PIP4P2: variants seen among roughly 807,000 people sequenced by gnomAD.
The protein encoded by PIP4P2 is type 2 phosphatidylinositol 4,5-bisphosphate 4-phosphatase.
Under a neutral mutation model 33.3 loss-of-function variants are expected in PIP4P2, and 19 were observed. The ratio of observed to expected loss-of-function variants is 0.57; its 90% confidence interval spans 0.40 to 0.84. The LOEUF is 0.84. Ranked by LOEUF, PIP4P2 falls within the 40% of genes least tolerant of loss-of-function variation. The pLI, the probability that PIP4P2 is intolerant of heterozygous loss-of-function variation, is 0.00. For synonymous variants in PIP4P2, 110 were observed against 111.9 expected (o/e 0.98, Z 0.11); for missense variants, 270 against 324.7 (o/e 0.83, Z 1.29).
At chr8:91,033,776 G>GTTTA (rs1198739649) in intron 1 of PIP4P2, among the ~76,000 whole-genome samples, 3 of 151,818 alleles carry the variant, frequency 2.0e-5, no homozygotes, top group South Asian at 2.1e-4. Flanking sequence ...CCTTGTTTTT[G>GTTTA]TTTATTTATT....
At chr8:91,019,273 C>CT (rs1051693601) in intron 3 of PIP4P2, among the ~76,000 whole-genome samples, 35 of 142,472 alleles carry the variant, frequency 2.5e-4, no homozygotes, top group Non-Finnish European at 2.8e-4. Context: ...TAAGTGATTA[C>CT]TTTTTTTTTT....
chr8:90,999,924 A>G (rs1811679938), intron 5 of PIP4P2, among the ~76,000 whole-genome samples: 1 of 151,874 alleles, frequency 6.6e-6, no homozygotes, highest in Admixed American at 6.6e-5. Flanking sequence ...TATTTCTGAC[A>G]CCTTATTTTG....
intron 1 of PIP4P2, among the ~76,000 whole-genome samples, chr8:91,024,754 T>G (rs1812059503): frequency 6.6e-6 from 1 of 152,202 alleles, no homozygotes; most frequent in South Asian, 2.1e-4. Flanking sequence ...AATGGTCATT[T>G]TTCTCCATGG....
chr8:91,004,020 A>T (rs1007853203), intron 5 of PIP4P2, among the ~76,000 whole-genome samples: 1 of 149,874 alleles, frequency 6.7e-6, no homozygotes, highest in Admixed American at 6.7e-5. Flanking sequence ...GATGAAATAG[A>T]TAAGAGGCAA....
At chr8:91,003,873 A>G (rs931331034) in intron 5 of PIP4P2, among the ~76,000 whole-genome samples, 2 of 152,090 alleles carry the variant, frequency 1.3e-5, no homozygotes, top group Non-Finnish European at 2.9e-5. Context: ...CAGTATCTGG[A>G]AACCAAGAAA....
intron 4 of PIP4P2, among the ~76,000 whole-genome samples, chr8:91,009,622 G>T (rs1338130076): frequency 1.3e-5 from 2 of 151,646 alleles, no homozygotes. Context: ...TATTAAAATT[G>T]TTTCATTTGG....
intron 5 of PIP4P2, among the ~76,000 whole-genome samples, chr8:91,000,258 A>C (rs1328250541): frequency 2.0e-5 from 3 of 151,950 alleles, no homozygotes; most frequent in Admixed American, 6.6e-5. Context: ...GCATTAATAT[A>C]ATTGGTACTG....
intron 1 of PIP4P2, among the ~76,000 whole-genome samples, chr8:91,031,278 T>C (rs533939973): frequency 2.6e-4 from 40 of 152,356 alleles, no homozygotes; most frequent in African/African-American, 9.1e-4. Context: ...GTAAAATCCA[T>C]ACAGCTAATA....
intron 1 of PIP4P2, among the ~76,000 whole-genome samples, chr8:91,028,197 A>G (rs1812108702): frequency 6.6e-6 from 1 of 152,226 alleles, no homozygotes; most frequent in Non-Finnish European, 1.5e-5. Context: ...ACCTGCAAAG[A>G]TGTTGCTTGG....
At chr8:91,039,575 T>A (rs558371339) in intron 1 of PIP4P2, among the ~76,000 whole-genome samples, 76 of 152,346 alleles carry the variant, frequency 5.0e-4, no homozygotes, top group African/African-American at 1.7e-3. Context: ...TACCTACTTA[T>A]ATTTTCAAAA....
intron 5 of PIP4P2, among the ~76,000 whole-genome samples, chr8:91,006,050 A>G (rs1215353805): frequency 6.6e-6 from 1 of 152,216 alleles, no homozygotes; most frequent in Non-Finnish European, 1.5e-5. Context: ...CACATAACAC[A>G]CTTGTTTCAC....
chr8:91,012,985 C>T (rs963263034), intron 4 of PIP4P2, among the ~76,000 whole-genome samples: 1 of 152,084 alleles, frequency 6.6e-6, no homozygotes, highest in Non-Finnish European at 1.5e-5. Context: ...TTCTTTTCTC[C>T]TCATTCCCTT....
chr8:91,032,486 A>C (rs560178742), intron 1 of PIP4P2, among the ~76,000 whole-genome samples: 23 of 152,174 alleles, frequency 1.5e-4, no homozygotes, highest in African/African-American at 5.1e-4. Flanking sequence ...TTACTCATTA[A>C]AAATGAAGCA....
chr8:91,001,242 A>T (rs1175723382), intron 5 of PIP4P2, among the ~76,000 whole-genome samples: 1 of 152,086 alleles, frequency 6.6e-6, no homozygotes, highest in Non-Finnish European at 1.5e-5. Context: ...ACCAATATTC[A>T]GATTTCTCAG....
intron 1 of PIP4P2, among the ~76,000 whole-genome samples, chr8:91,027,653 C>A (rs1369482680): frequency 6.6e-6 from 1 of 151,918 alleles, no homozygotes; most frequent in African/African-American, 2.4e-5. Flanking sequence ...ATGAATTTAG[C>A]GAGATTTTCT....
chr8:91,032,097 G>A (rs1027961996), intron 1 of PIP4P2, among the ~76,000 whole-genome samples: 27 of 152,130 alleles, frequency 1.8e-4, no homozygotes, highest in African/African-American at 5.3e-4. Context: ...AGTAACTGGC[G>A]GAGATAAAAA....
intron 2 of PIP4P2, 131 bp downstream of exon 2, chr8:91,021,125 G>T (rs540062468): frequency 8.7e-5 from 93 of 1,065,464 alleles, no homozygotes; most frequent in Admixed American, 1.6e-4. Flanking sequence ...CAGAAGAAAA[G>T]ACAGGAAAAA....
At chr8:91,013,837 T>C (rs1215708925) in intron 4 of PIP4P2, among the ~76,000 whole-genome samples, 2 of 152,144 alleles carry the variant, frequency 1.3e-5, no homozygotes, top group Non-Finnish European at 2.9e-5. Context: ...GCCCAGCCTA[T>C]AGTGACTTTT....
In PIP4P2 at chr8:91,001,150, C is replaced by T. The variant is rs556793166; in HGVS notation, c.540-4406G>A. Among the ~76,000 whole-genome samples, 11 of 152,120 alleles carry T rather than the reference C, an allele frequency of 7.2e-5. 1 individual carries two copies. In the East Asian group the frequency reaches 1.9e-3, roughly 27 times the overall value. On this transcript the variant is annotated intron_variant, in intron 5 of 6. Coordinates refer to ENST00000285419, the MANE Select transcript of PIP4P2 (RefSeq NM_018710.3). Reference sequence around the variant, plus strand: ...AAATAACACATAAAAATACCATGTACGTTTTGCCCTATTTCCCCCATAGTA... The same window carrying T: ...AAATAACACATAAAAATACCATGTATGTTTTGCCCTATTTCCCCCATAGTA...
Sources: gnomAD v4.1 joint callset for allele counts (sites outside exome capture counted in the v4.1 genomes callset) on GRCh38, gnomAD v4.1.1 for gene constraint, MANE v1.5 for transcripts, NCBI Gene and HGNC (gene_info 2026-07-23, HGNC 2026-07-21) for gene names.